The following POLN variants were observed in gnomAD, a reference collection of about 807,000 sequenced individuals.
The protein encoded by POLN is DNA polymerase nu.
A neutral mutation model predicts 113.5 loss-of-function variants in POLN; 108 were observed. That is an observed-to-expected ratio of 0.95 (90% CI 0.81 to 1.12). POLN has a LOEUF of 1.12. Among genes scored for constraint, POLN ranks in the 50% most tolerant of loss-of-function variants. POLN has a pLI of 0.00. For missense variants in POLN, 1,097 were observed against 1,077.1 expected (o/e 1.02, Z -0.26); for synonymous variants, 386 against 391.5 (o/e 0.99, Z 0.17).
intron 5 of POLN, among the ~76,000 whole-genome samples, chr4:2,202,723 C>CAAAAAAAA (rs34712930): frequency 1.1e-3 from 39 of 36,676 alleles, no homozygotes; most frequent in Non-Finnish European, 1.6e-3. Context: ...GACTCTGTCT[C>CAAAAAAAA]AAAAAAAAAA....
At chr4:2,203,082 T>C (rs1407663166) in intron 5 of POLN, among the ~76,000 whole-genome samples, 2 of 152,136 alleles carry the variant, frequency 1.3e-5, no homozygotes, top group Non-Finnish European at 2.9e-5. Context: ...TTCTCCAAGA[T>C]AGACCATATG....
intron 7 of POLN, among the ~76,000 whole-genome samples, chr4:2,190,038 A>G (rs1733400488): frequency 7.1e-6 from 1 of 140,960 alleles, no homozygotes; most frequent in Non-Finnish European, 1.5e-5. Context: ...AAAAAAAAAA[A>G]AAAAGAAATA....
intron 13 of POLN, among the ~76,000 whole-genome samples, chr4:2,167,570 G>A (rs983161747): frequency 2.6e-5 from 4 of 152,162 alleles, no homozygotes; most frequent in African/African-American, 4.8e-5. Flanking sequence ...AACTGACATT[G>A]CATAGACTGT....
At chr4:2,231,986 C>A (rs1391706893) in intron 2 of POLN, 1 of 1,494,616 alleles carries the variant, frequency 6.7e-7, no homozygotes, top group Non-Finnish European at 9.3e-7. Flanking sequence ...TCCACAATAT[C>A]TTTCAGATAA....
At chr4:2,079,641 G>A in intron 23 of POLN, 3 of 978,018 alleles carry the variant, frequency 3.1e-6, no homozygotes, top group Non-Finnish European at 2.4e-6. Flanking sequence ...CTGGAGTGCA[G>A]TGGTGCGATC....
chr4:2,104,896 C>T (rs1436742740), intron 19 of POLN, among the ~76,000 whole-genome samples: 1 of 152,212 alleles, frequency 6.6e-6, no homozygotes. Context: ...TGCTGCACAC[C>T]TATCAGGGTG....
In POLN at chr4:2,093,738, C is replaced by CTA. The variant is rs1730718627; in HGVS notation, c.2065+2112_2065+2113insTA. 2.0e-5 allele frequency among the ~76,000 whole-genome samples: 3 copies of CTA among 152,166 alleles called. No homozygotes were observed. In the South Asian group the frequency reaches 6.2e-4, roughly 32 times the overall value. ...AGAGGAGGCAGTGGACCAAGCAACT[C>CTA]TGAGGAGAATCAATCCAATGTCACA... On this transcript the variant is annotated intron_variant, in intron 20 of 25. Transcript: ENST00000511885. This position sits in a 1 kb window ranked among gnomAD's most constrained non-coding sequence, Gnocchi z 4.1.
At chr4:2,225,060 A>G (rs1248935417) in intron 3 of POLN, among the ~76,000 whole-genome samples, 1 of 152,194 alleles carries the variant, frequency 6.6e-6, no homozygotes, top group African/African-American at 2.4e-5. Flanking sequence ...CCACCAACAT[A>G]TATACGGTCT....
Position 2,237,089 on chromosome 4 carries a change from C to T in POLN, c.-13+4431G>A, listed in dbSNP as rs75447796. Among the ~76,000 whole-genome samples the T allele has an allele frequency of 2.1e-3, 326 of 152,116 alleles. 1 individual carries two copies. The highest frequency in any genetic ancestry group is 7.4e-3 in the African/African-American group (308 of 41,470). On this transcript the variant is annotated intron_variant, in intron 2 of 25. Coordinates refer to ENST00000511885, the MANE Select transcript of POLN (RefSeq NM_181808.4). ...CTTAACTTTAACTGCCACTAACGTA[C>T]TTCAAAGTGCACTTCAGAGATAACC...
chr4:2,089,255 A>C (rs1730614493), intron 20 of POLN: 1 of 1,512,362 alleles, frequency 6.6e-7, no homozygotes, highest in East Asian at 2.5e-5. Flanking sequence ...TCAGAAAGTG[A>C]CAAATTCTCA....
chr4:2,127,254 G>T lies in POLN; in HGVS notation c.1982+859C>A, dbSNP rs1365161565. 5.9e-5 allele frequency among the ~76,000 whole-genome samples: 9 copies of T among 151,964 alleles called. No homozygotes were observed. On this transcript the variant is annotated intron_variant, in intron 19 of 25. Coordinates refer to ENST00000511885, the MANE Select transcript of POLN (RefSeq NM_181808.4). This position sits in a 1 kb window ranked among gnomAD's most constrained non-coding sequence, Gnocchi z 4.7. ...GGAGGGGACAGTGACTCAGACACAC[G>T]GACCTTCCAACAGCCAGCACACACT...
chr4:2,232,231 AT>A (rs1734608562), intron 2 of POLN: 14 of 714,692 alleles, frequency 2.0e-5, no homozygotes, highest in Non-Finnish European at 3.1e-5. Context: ...TTAAAATATA[AT>A]TTACATGGAA....
At chr4:2,183,915 G>A (rs1341562096) in intron 7 of POLN, among the ~76,000 whole-genome samples, 2 of 150,292 alleles carry the variant, frequency 1.3e-5, no homozygotes, top group Non-Finnish European at 1.5e-5. Flanking sequence ...AGAGTCTTGC[G>A]AGATCTCTGC....
chr4:2,217,667 CCT>C (rs1734144601), intron 3 of POLN, among the ~76,000 whole-genome samples: 2 of 152,110 alleles, frequency 1.3e-5, no homozygotes, highest in African/African-American at 4.8e-5. Flanking sequence ...GATAGCATTG[CCT>C]TGCTCCAGAG....
intron 19 of POLN, among the ~76,000 whole-genome samples, chr4:2,112,115 G>A (rs1223901181): frequency 1.3e-5 from 2 of 152,278 alleles, no homozygotes; most frequent in African/African-American, 4.8e-5. Flanking sequence ...TGACAAACCT[G>A]ACAAAAACAA....
intron 3 of POLN, chr4:2,227,887 CAA>C (rs1387500329): frequency 1.3e-5 from 2 of 151,792 alleles, no homozygotes; most frequent in African/African-American, 2.4e-5. Flanking sequence ...CTCTATTATT[CAA>C]AAAAATATGG....
rs971229111 is a variant in POLN at position 2,225,285 on chromosome 4, TA to T, written c.133+3813del. 3.3e-5 allele frequency among the ~76,000 whole-genome samples: 5 copies of T among 151,764 alleles called. No individual in the cohort carries two copies. In the East Asian group the frequency reaches 9.7e-4, roughly 29 times the overall value. On this transcript the variant is annotated intron_variant, in intron 3 of 25. Transcript: ENST00000511885. ...GTATGTATGCATGTATATAAATATGTAAAAAAAAATTTAAGAAAAATGTCTT... is the reference window on the plus strand; with the variant it reads ...GTATGTATGCATGTATATAAATATGTAAAAAAAATTTAAGAAAAATGTCTT...
chr4:2,218,732 T>G (rs565465000), intron 3 of POLN, among the ~76,000 whole-genome samples: 1 of 152,318 alleles, frequency 6.6e-6, no homozygotes, highest in East Asian at 1.9e-4. Context: ...TGGAAAAGAA[T>G]GTGTTCACCA....
intron 11 of POLN, among the ~76,000 whole-genome samples, chr4:2,172,167 C>G (rs964582024): frequency 9.2e-5 from 14 of 152,186 alleles, no homozygotes; most frequent in Non-Finnish European, 1.6e-4. Context: ...TGGTCCAGAG[C>G]TCTAAAGTAG....
Sources: gnomAD v4.1 joint callset for allele counts (sites outside exome capture counted in the v4.1 genomes callset) on GRCh38, gnomAD v4.1.1 for gene constraint, Gnocchi (gnomAD v3.1) non-coding constraint, MANE v1.5 for transcripts, NCBI Gene and HGNC (gene_info 2026-07-23, HGNC 2026-07-21) for gene names.